AKAP10: variants seen among roughly 807,000 people sequenced by gnomAD.
AKAP10 encodes the protein A-kinase anchor protein 10, mitochondrial.
A neutral mutation model predicts 80.8 loss-of-function variants in AKAP10; 24 were observed. The ratio of observed to expected loss-of-function variants is 0.30; its 90% CI spans 0.22 to 0.42. The LOEUF (loss-of-function observed/expected upper bound fraction) is 0.42, where lower values mean the gene tolerates loss of function less well. AKAP10 is among the 10% of genes least tolerant of loss of function. The pLI is 1.00. For synonymous variants in AKAP10, 291 were observed against 277.7 expected (o/e 1.05, Z -0.48); for missense variants, 661 against 794.9 (o/e 0.83, Z 2.03).
intron 14 of AKAP10, among the ~76,000 whole-genome samples, chr17:19,908,255 T>A (rs1863397728): frequency 6.6e-6 from 1 of 152,202 alleles, no homozygotes; most frequent in African/African-American, 2.4e-5. Flanking sequence ...TGGCATGCAG[T>A]TGTTAGGTAA....
intron 4 of AKAP10, among the ~76,000 whole-genome samples, chr17:19,948,741 C>T (rs746346479): frequency 3.3e-5 from 5 of 152,038 alleles, no homozygotes; most frequent in South Asian, 2.1e-4. Flanking sequence ...TGTGCACTCC[C>T]GGGGCCACTC....
At chr17:19,948,480 G>A (rs1473193890) in intron 4 of AKAP10, among the ~76,000 whole-genome samples, 1 of 152,102 alleles carries the variant, frequency 6.6e-6, no homozygotes, top group African/African-American at 2.4e-5. Flanking sequence ...GGCAGCATCA[G>A]AGCAGCCACA....
intron 5 of AKAP10, 141 bp from the exon 6 acceptor site, chr17:19,942,051 C>T (rs2043055740): frequency 4.0e-6 from 2 of 497,412 alleles, no homozygotes; most frequent in South Asian, 7.2e-5. Flanking sequence ...ACAGGTAACA[C>T]TTGATCTTAA....
intron 1 of AKAP10, among the ~76,000 whole-genome samples, chr17:19,972,187 C>A (rs1421711735): frequency 2.6e-5 from 4 of 152,196 alleles, no homozygotes. Flanking sequence ...GCTTCATATT[C>A]TCATCCTTGG....
chr17:19,953,856 AC>A (rs1467916691), intron 4 of AKAP10, among the ~76,000 whole-genome samples: 1 of 152,146 alleles, frequency 6.6e-6, no homozygotes, highest in African/African-American at 2.4e-5. Flanking sequence ...ACATGGTGAA[AC>A]CCTGTCTGCA....
At chr17:19,923,614 C>T (rs1440245415) in intron 11 of AKAP10, among the ~76,000 whole-genome samples, 3 of 151,992 alleles carry the variant, frequency 2.0e-5, no homozygotes, top group Non-Finnish European at 4.4e-5. Context: ...GCAAGCTCCG[C>T]CTCCCGGGCT....
At chr17:19,964,781 T>A (rs1417042508) in intron 2 of AKAP10, among the ~76,000 whole-genome samples, 1 of 152,078 alleles carries the variant, frequency 6.6e-6, no homozygotes, top group Non-Finnish European at 1.5e-5. Context: ...TAATCCCAGC[T>A]ACTTGGGAGG....
intron 2 of AKAP10, chr17:19,968,147 G>C: frequency 3.8e-6 from 1 of 261,626 alleles, no homozygotes. Context: ...CTTGCAGTGA[G>C]CCAAGATCGC....
rs371474007 is a variant in AKAP10 at position 19,944,501 on chromosome 17, A to G, written c.977-2591T>C. On this transcript the variant is annotated intron_variant, in intron 5 of 14. Coordinates refer to ENST00000225737, the MANE Select transcript of AKAP10 (RefSeq NM_007202.4). Reference sequence around the variant, plus strand: ...CCCGTTTCTACTAAAATACAAAAAAAAAAATTAGCCAGGCGTGGTGGCGAG... The same window carrying G: ...CCCGTTTCTACTAAAATACAAAAAAGAAAATTAGCCAGGCGTGGTGGCGAG... 2.6e-3 allele frequency among the ~76,000 whole-genome samples: 402 copies of G among 152,236 alleles called. 1 individual carries two copies. Among genetic ancestry groups the G allele is most frequent in the African/African-American group, 9.1e-3 (380 of 41,536 alleles).
At position 19,911,555 on chromosome 17, in the gene AKAP10, TG is replaced by T. The variant is rs1487638956; in HGVS notation, c.1835-1578del. ...GGTTAGAACTCTGTTTAGAAATCTC[TG>T]GGCTGGGCGCGGTGGCTCACGCCTG... On this transcript the variant is annotated intron_variant, in intron 12 of 14. Transcript: ENST00000225737. Among the ~76,000 whole-genome samples the T allele has an allele frequency of 2.0e-5, 3 of 152,130 alleles. No individual in the cohort carries two copies. In the East Asian group the frequency reaches 5.8e-4, roughly 29 times the overall value.
intron 12 of AKAP10, among the ~76,000 whole-genome samples, chr17:19,914,375 G>A (rs1372109461): frequency 1.3e-5 from 2 of 152,100 alleles, no homozygotes; most frequent in African/African-American, 4.8e-5. Flanking sequence ...AATAGGCCAG[G>A]AGTAGTGGCT....
intron 3 of AKAP10, among the ~76,000 whole-genome samples, chr17:19,959,120 TG>T (rs1245530082): frequency 1.3e-5 from 2 of 152,120 alleles, no homozygotes; most frequent in Non-Finnish European, 2.9e-5. Flanking sequence ...CCCAAAGTGC[TG>T]GGATTGCAGG....
chr17:19,958,440 A>G lies in AKAP10; in HGVS notation c.451T>C (p.Leu151=), dbSNP rs1567773045. Residue 151 remains leucine (L), a synonymous_variant, in exon 4 of 15, where the codon TTG becomes CTG. Coordinates refer to ENST00000225737, the MANE Select transcript of AKAP10 (RefSeq NM_007202.4). ...TCAGCCTCTAACCAAAATTTCACCA[A>G]ATGCTCCATTCGCCGAAGTTCCATG... ...QFMELRRMEH[L]VKFWLEAESF... is the part of the protein sequence containing the mutation. 6.2e-7 allele frequency: 1 copy of G among 1,614,168 alleles called. No individual in the cohort carries two copies. The highest frequency in any genetic ancestry group is 8.5e-7 in the Non-Finnish European group (1 of 1,180,036).
chr17:19,916,351 C>T (rs1944407345), intron 12 of AKAP10, among the ~76,000 whole-genome samples: 1 of 152,124 alleles, frequency 6.6e-6, no homozygotes, highest in African/African-American at 2.4e-5. Flanking sequence ...TGTTTTCTTC[C>T]CCAGGACCCA....
intron 1 of AKAP10, among the ~76,000 whole-genome samples, chr17:19,969,772 A>C (rs2043471151): frequency 6.6e-6 from 1 of 152,128 alleles, no homozygotes; most frequent in African/African-American, 2.4e-5. Context: ...TGCCTTCAAA[A>C]AGTCTACATT....
chr17:19,927,424 AATATAATTTGATAAGGG>A (rs2042886616), intron 10 of AKAP10, among the ~76,000 whole-genome samples: 1 of 152,206 alleles, frequency 6.6e-6, no homozygotes. Context: ...ACCTGGAAAT[AATATAATTTGATAAGGG>A]ACATTTATCT....
chr17:19,975,954 T>G (rs2043560343), intron 1 of AKAP10, among the ~76,000 whole-genome samples: 1 of 152,216 alleles, frequency 6.6e-6, no homozygotes, highest in African/African-American at 2.4e-5. Context: ...TCCTACTATT[T>G]TACCGGTTTC....
At chr17:19,910,093 C>A (rs188597356) in intron 12 of AKAP10, 115 bp from the exon 13 acceptor site, 1 of 934,018 alleles carries the variant, frequency 1.1e-6, no homozygotes, top group African/African-American at 1.7e-5. Flanking sequence ...TTTGGGAGGC[C>A]GAGGTGGGTG....
chr17:19,941,135 C>T, intron 6 of AKAP10, 125 bp from the exon 7 acceptor site: 1 of 961,968 alleles, frequency 1.0e-6, no homozygotes, highest in African/African-American at 1.7e-5. Context: ...TACCTTACTC[C>T]CCATGGTGTC....
Sources: allele counts gnomAD v4.1 joint callset (sites outside exome capture counted in the v4.1 genomes callset), GRCh38; gene constraint gnomAD v4.1.1; transcripts MANE v1.5; gene names NCBI Gene and HGNC (gene_info 2026-07-23, HGNC 2026-07-21).